The following DMD variants were observed in gnomAD, a reference collection of about 807,000 sequenced individuals.
The protein encoded by DMD is mutant dystrophin.
In DMD, 63 loss-of-function variants were observed where a neutral mutation model predicts 330.1. The ratio of observed to expected loss-of-function variants is 0.19; its 90% confidence interval spans 0.16 to 0.24. The LOEUF is 0.24. DMD is among the 10% of genes least tolerant of loss of function. The pLI is 1.00. For synonymous variants in DMD, 1,223 were observed against 959.8 expected, an observed-to-expected ratio of 1.27 and a Z score of -5.07; for missense variants, 3,344 against 2,684.1, an observed-to-expected ratio of 1.25 and a Z score of -5.43.
intron 56 of DMD, 40 bp downstream of exon 56, chrX:31,507,241 T>A (rs779548867): frequency 8.3e-7 from 1 of 1,203,676 alleles, no homozygotes; most frequent in South Asian, 1.8e-5. Flanking sequence ...TTGGCCATTT[T>A]AATTCATTTG....
intron 50 of DMD, among the ~76,000 whole-genome samples, chrX:31,785,686 T>C (rs1233022121): frequency 3.6e-5 from 4 of 109,802 alleles, no homozygotes; most frequent in Admixed American, 2.0e-4. Flanking sequence ...CACTTATGAG[T>C]GAGAACATGC....
intron 7 of DMD, among the ~76,000 whole-genome samples, chrX:32,803,855 A>T (rs186347983): frequency 1.8e-4 from 20 of 112,015 alleles, no homozygotes; most frequent in African/African-American, 6.5e-4. Flanking sequence ...GCATTTGCTG[A>T]GGAGTATTTT....
chrX:32,530,140 T>C (rs813259), intron 17 of DMD, among the ~76,000 whole-genome samples: 16,132 of 111,806 alleles, frequency 0.14, 1,170 homozygotes, highest in East Asian at 0.39. Flanking sequence ...CAAAATATTG[T>C]CCTTAAAATT....
In DMD at chrX:32,500,570, G is replaced by A. The variant is rs181766991; in HGVS notation, c.2380+1185C>T. ...GAAAAAGTGATAATACAGTTTCTAG[G>A]GGGAACTTACATAACAACTAGGAGA... On this transcript the variant is annotated intron_variant, in intron 19 of 78. Transcript: ENST00000357033. Among the ~76,000 whole-genome samples the A allele has an allele frequency of 2.0e-3, 219 of 111,269 alleles. 2 individuals are homozygous for A. Among genetic ancestry groups the A allele is most frequent in the African/African-American group, 6.5e-3 (200 of 30,686 alleles).
intron 63 of DMD, among the ~76,000 whole-genome samples, chrX:31,242,106 A>T (rs1292257435): frequency 9.2e-6 from 1 of 108,167 alleles, no homozygotes; most frequent in Non-Finnish European, 1.9e-5. Flanking sequence ...AAATACAAAA[A>T]TTAGCCAGGT....
At chrX:32,624,078 AT>A (rs751936844) in intron 11 of DMD, among the ~76,000 whole-genome samples, 9 of 112,560 alleles carry the variant, frequency 8.0e-5, no homozygotes, top group Non-Finnish European at 1.5e-4. Flanking sequence ...TCCAGCTAAC[AT>A]TCTAAAGATG....
rs1473841371 is a variant in DMD, at chrX:33,210,671, T to C, written c.31+611A>G. On this transcript the variant is annotated intron_variant, in intron 1 of 78. Transcript: ENST00000357033. ...ACATCATTATTTGAAATAATTATCA[T>C]GATATGCTACAGAAAAGAGCATTTG... 2.3e-4 allele frequency among the ~76,000 whole-genome samples: 26 copies of C among 111,723 alleles called. No homozygotes were observed. In the Admixed American group the frequency reaches 2.5e-3, roughly 11 times the overall value.
At chrX:33,044,612 G>C (rs755367832) in intron 1 of DMD, among the ~76,000 whole-genome samples, 11 of 111,829 alleles carry the variant, frequency 9.8e-5, no homozygotes, top group African/African-American at 3.2e-4. Flanking sequence ...CAGAATATGG[G>C]GACAAAAATA....
At chrX:32,914,045 G>A (rs1052468585) in intron 2 of DMD, among the ~76,000 whole-genome samples, 1 of 111,314 alleles carries the variant, frequency 9.0e-6, no homozygotes, top group African/African-American at 3.3e-5. Context: ...TCTAGTCCTC[G>A]CCTCAGGCTT....
intron 28 of DMD, among the ~76,000 whole-genome samples, chrX:32,438,958 T>G (rs73222848): frequency 3.1e-4 from 35 of 111,479 alleles, no homozygotes; most frequent in Middle Eastern, 9.1e-3. Context: ...CTTTTCGTGG[T>G]GAGAAAAGAT....
chrX:32,927,745 C>T (rs1370510226), intron 2 of DMD, among the ~76,000 whole-genome samples: 2 of 111,055 alleles, frequency 1.8e-5, no homozygotes, highest in Non-Finnish European at 1.9e-5. Context: ...TAAAAATTTG[C>T]TCTTATGTTC....
At chrX:31,546,136 C>T (rs781619324) in intron 55 of DMD, among the ~76,000 whole-genome samples, 2 of 112,309 alleles carry the variant, frequency 1.8e-5, no homozygotes, top group South Asian at 3.7e-4. Flanking sequence ...AGTCTTCTAA[C>T]GACAAAAACA....
intron 2 of DMD, among the ~76,000 whole-genome samples, chrX:32,865,166 A>G (rs1350194752): frequency 1.8e-5 from 2 of 111,912 alleles, no homozygotes; most frequent in Admixed American, 9.5e-5. Context: ...ACTAAATGTA[A>G]CCAGTATTAT....
At chrX:31,963,315 C>T (rs749111722) in intron 45 of DMD, among the ~76,000 whole-genome samples, 46 of 111,993 alleles carry the variant, frequency 4.1e-4, no homozygotes, top group African/African-American at 1.5e-3. Context: ...GCATGGCAAA[C>T]CAGCATAGAT....
chrX:32,996,795 C>T (rs1254952035), intron 2 of DMD, among the ~76,000 whole-genome samples: 42 of 105,020 alleles, frequency 4.0e-4, no homozygotes, highest in African/African-American at 1.1e-3. Context: ...CCACCTTGGG[C>T]GACAGAGCAA....
At chrX:32,820,090 A>C (rs1235862288) in intron 5 of DMD, among the ~76,000 whole-genome samples, 1 of 111,818 alleles carries the variant, frequency 8.9e-6, no homozygotes. Context: ...ACAAAGAAAG[A>C]TTTAAAAAGC....
intron 44 of DMD, among the ~76,000 whole-genome samples, chrX:32,089,207 C>T (rs1307555519): frequency 9.0e-6 from 1 of 111,030 alleles, no homozygotes; most frequent in African/African-American, 3.3e-5. Context: ...TCCTTACCCC[C>T]ATCTCACCTC....
At chrX:32,528,522 C>T (rs2047132716) in intron 17 of DMD, among the ~76,000 whole-genome samples, 1 of 111,701 alleles carries the variant, frequency 9.0e-6, no homozygotes, top group East Asian at 2.8e-4. Context: ...AAAAGGCTAA[C>T]TCCCCCTCCA....
chrX:32,573,454 T>C lies in DMD; in HGVS notation c.1812+76A>G, dbSNP rs956136267. On this transcript the variant is annotated intron_variant, in intron 15 of 78. Coordinates refer to ENST00000357033, the MANE Select transcript of DMD (RefSeq NM_004006.3). ...AATAAACATTTAATATTCAATAGCA[T>C]AGAAGAGACTAAATAATAGTGATAA... is the stretch of plus-strand genomic sequence containing the variant. The C allele has an allele frequency of 6.4e-5, 50 of 784,082 alleles. 1 individual carries two copies. In the Admixed American group the frequency reaches 1.0e-3, roughly 16 times the overall value. The allele number at this position is 784,082 out of a possible 1,213,427, so 64.6% of individuals were successfully genotyped here.
Sources: gnomAD v4.1 joint callset for allele counts (sites outside exome capture counted in the v4.1 genomes callset) on GRCh38, gnomAD v4.1.1 for gene constraint, MANE v1.5 for transcripts, NCBI Gene and HGNC (gene_info 2026-07-23, HGNC 2026-07-21) for gene names.